The following XNDC1N variants were observed in gnomAD, a reference collection of about 807,000 sequenced individuals.
XNDC1N encodes protein XNDC1N.
At chr11:71,915,178 G>T in the XNDC1N span, among the ~76,000 whole-genome samples, 2 of 152,184 alleles carry the variant, frequency 1.3e-5, no homozygotes, top group African/African-American at 4.8e-5. Flanking sequence ...GCCGGGCACG[G>T]TGGCTCACGC....
At chr11:71,903,122 G>T in the XNDC1N span, 11,508 of 642,916 alleles carry the variant, frequency 0.018, 180 homozygotes, top group Middle Eastern at 0.054. Context: ...ACAATGCTGG[G>T]TATTGGTTTA....
At chr11:71,890,615 T>G in the XNDC1N span, among the ~76,000 whole-genome samples, 1 of 152,234 alleles carries the variant, frequency 6.6e-6, no homozygotes, top group African/African-American at 2.4e-5. Context: ...ATACACCACC[T>G]GCAATATTGG....
At chr11:71,904,434 G>A in the XNDC1N span, among the ~76,000 whole-genome samples, 1 of 152,142 alleles carries the variant, frequency 6.6e-6, no homozygotes, top group Non-Finnish European at 1.5e-5. Flanking sequence ...TACACACACT[G>A]TGATATCAGG....
chr11:71,869,538 G>A, the XNDC1N span, among the ~76,000 whole-genome samples: 2 of 152,150 alleles, frequency 1.3e-5, no homozygotes, highest in African/African-American at 4.8e-5. Flanking sequence ...GGCCTATTTT[G>A]CTGTTAATAC....
chr11:71,909,662 C>G, the XNDC1N span, among the ~76,000 whole-genome samples: 1 of 152,144 alleles, frequency 6.6e-6, no homozygotes, highest in Non-Finnish European at 1.5e-5. Context: ...CTTGTTGCCC[C>G]CTTATCCAAA....
chr11:71,914,817 TG>T, the XNDC1N span, among the ~76,000 whole-genome samples: 3 of 152,242 alleles, frequency 2.0e-5, no homozygotes, highest in East Asian at 5.8e-4. Context: ...ATGAGCAAAG[TG>T]GTTTCTTGAG....
chr11:71,886,141 G>A, the XNDC1N span, among the ~76,000 whole-genome samples: 1 of 152,182 alleles, frequency 6.6e-6, no homozygotes, highest in Non-Finnish European at 1.5e-5. Flanking sequence ...GGAGAGGCGT[G>A]TTTTTGGGTA....
At chr11:71,869,277 C>T in the XNDC1N span, among the ~76,000 whole-genome samples, 1 of 151,946 alleles carries the variant, frequency 6.6e-6, no homozygotes, top group Non-Finnish European at 1.5e-5. Context: ...GTTCAATTCC[C>T]ACCTATGAGT....
chr11:71,902,094 G>C, the XNDC1N span, among the ~76,000 whole-genome samples: 1 of 152,122 alleles, frequency 6.6e-6, no homozygotes. Context: ...GCACATAGGA[G>C]ACAGCAAACG....
the XNDC1N span, among the ~76,000 whole-genome samples, chr11:71,873,134 T>G: frequency 1.3e-5 from 2 of 149,354 alleles, no homozygotes; most frequent in Non-Finnish European, 2.9e-5. Flanking sequence ...TATTTTTGTT[T>G]ATTGCCTCCT....
the XNDC1N span, among the ~76,000 whole-genome samples, chr11:71,899,271 A>G: frequency 2.0e-5 from 3 of 152,074 alleles, no homozygotes; most frequent in African/African-American, 7.2e-5. Context: ...CCAGCCTTGA[A>G]GACGGAGTCT....
At chr11:71,910,162 C>A in the XNDC1N span, among the ~76,000 whole-genome samples, 1 of 152,272 alleles carries the variant, frequency 6.6e-6, no homozygotes. Context: ...TGGAACACTC[C>A]CCTCCTGCCT....
the XNDC1N span, among the ~76,000 whole-genome samples, chr11:71,885,503 G>T: frequency 1.3e-5 from 2 of 152,088 alleles, no homozygotes; most frequent in African/African-American, 4.8e-5. Context: ...CACACCCAGT[G>T]CTATATTGGG....
the XNDC1N span, among the ~76,000 whole-genome samples, chr11:71,895,114 ATT>A: frequency 0.11 from 16,443 of 147,326 alleles, 1,509 homozygotes; most frequent in African/African-American, 0.23. Flanking sequence ...GAGTGTGTGG[ATT>A]TTTTTTTTTT....
chr11:71,919,708 C>T, the XNDC1N span, among the ~76,000 whole-genome samples: 1 of 148,994 alleles, frequency 6.7e-6, no homozygotes, highest in Non-Finnish European at 1.5e-5. Flanking sequence ...AGCTCCGCCT[C>T]CCGGGTTCAC....
At chr11:71,923,184 A>T in the XNDC1N span, 1 of 672,732 alleles carries the variant, frequency 1.5e-6, no homozygotes, top group Non-Finnish European at 2.6e-6. Flanking sequence ...TTCTTCTCTT[A>T]GACTCTGAAC....
At chr11:71,923,963 C>G in the XNDC1N span, among the ~76,000 whole-genome samples, 3 of 152,086 alleles carry the variant, frequency 2.0e-5, no homozygotes, top group Non-Finnish European at 4.4e-5. Context: ...GAAGGCAGCA[C>G]AGCAGCAAGT....
the XNDC1N span, chr11:71,917,493 T>C: frequency 2.9e-6 from 2 of 683,024 alleles, no homozygotes; most frequent in East Asian, 2.7e-5. Flanking sequence ...CCCCAACAGA[T>C]ATAATTAAAC....
At chr11:71,917,847 A>G in the XNDC1N span, 1 of 679,078 alleles carries the variant, frequency 1.5e-6, no homozygotes. Context: ...CGGTGGAAGG[A>G]GGACACTCCT....
Sources: allele counts gnomAD v4.1 joint callset (sites outside exome capture counted in the v4.1 genomes callset), GRCh38; gene constraint gnomAD v4.1.1; transcripts MANE v1.5; gene names NCBI Gene and HGNC (gene_info 2026-07-23, HGNC 2026-07-21).